CNTNAP5: variants seen among roughly 807,000 people sequenced by gnomAD.
CNTNAP5 encodes the protein contactin-associated protein-like 5.
CNTNAP5 carries 72 observed loss-of-function variants against 150.2 expected under a neutral mutation model. The ratio of observed to expected loss-of-function variants is 0.48; its 90% CI spans 0.40 to 0.58. The LOEUF (loss-of-function observed/expected upper bound fraction) is 0.58, where lower values mean the gene tolerates loss of function less well. CNTNAP5 is among the 20% of genes least tolerant of loss of function. The probability of loss-of-function intolerance (pLI) is 0.00; values close to 1 mark genes in which losing one functional copy is unlikely to be tolerated. For synonymous variants in CNTNAP5, 672 were observed against 619.8 expected (o/e 1.08, Z -1.25); for missense variants, 1,636 against 1,626.2 (o/e 1.01, Z -0.10).
At chr2:124,655,945 G>GAGAGAGAGAGAAAGAAAGAAAGAAAGAA (rs1553427800) in intron 13 of CNTNAP5, among the ~76,000 whole-genome samples, 5 of 55,490 alleles carry the variant, frequency 9.0e-5, no homozygotes. Context: ...GAGAGAGAGA[G>GAGAGAGAGAGAAAGAAAGAAAGAAAGAA]AGAAAGAAAG....
intron 10 of CNTNAP5, among the ~76,000 whole-genome samples, chr2:124,535,008 GT>G: frequency 6.6e-6 from 1 of 152,284 alleles, no homozygotes; most frequent in African/African-American, 2.4e-5. Flanking sequence ...CGTTGTTCTG[GT>G]GATGGATATC....
At chr2:124,090,986 T>A (rs762687387) in intron 1 of CNTNAP5, among the ~76,000 whole-genome samples, 3 of 151,810 alleles carry the variant, frequency 2.0e-5, no homozygotes, top group Non-Finnish European at 4.4e-5. Context: ...AGAAAAAGAG[T>A]AAGAATGAGA....
At chr2:124,434,277 G>T (rs536601824) in intron 4 of CNTNAP5, among the ~76,000 whole-genome samples, 1 of 152,282 alleles carries the variant, frequency 6.6e-6, no homozygotes, top group Admixed American at 6.5e-5. Context: ...AGTTCACTTT[G>T]ACTCAGTGTG....
chr2:124,145,832 G>GA (rs1164454367), intron 1 of CNTNAP5, among the ~76,000 whole-genome samples: 1,192 of 34,178 alleles, frequency 0.035, 46 homozygotes, highest in African/African-American at 0.16. Flanking sequence ...AAAAAAAGAA[G>GA]AAAAAAAAAA....
intron 13 of CNTNAP5, among the ~76,000 whole-genome samples, chr2:124,674,990 T>C (rs1329829977): frequency 6.6e-6 from 1 of 152,086 alleles, no homozygotes; most frequent in African/African-American, 2.4e-5. Flanking sequence ...ATACTGTTTT[T>C]TAAATGTTCT....
intron 1 of CNTNAP5, among the ~76,000 whole-genome samples, chr2:124,137,402 A>T (rs1173229770): frequency 2.0e-5 from 3 of 152,194 alleles, no homozygotes; most frequent in Non-Finnish European, 2.9e-5. Context: ...TTTTGTCTGG[A>T]TCCACATAGG....
At chr2:124,115,250 G>T (rs940837870) in intron 1 of CNTNAP5, among the ~76,000 whole-genome samples, 3 of 152,030 alleles carry the variant, frequency 2.0e-5, no homozygotes, top group African/African-American at 4.8e-5. Context: ...AACTAAGTTG[G>T]CTAACACTTT....
rs571155853 is a variant in CNTNAP5, at chr2:124,592,418, C to A, written c.1757-17383C>A. ...GTATCAAAATAAAAGGTTAAATGGA[C>A]AAATATTTATATATAATTAGCAATG... is the stretch of plus-strand genomic sequence containing the variant. On this transcript the variant is annotated intron_variant, in intron 11 of 23. Transcript: ENST00000682447. Among the ~76,000 whole-genome samples, 199 of 150,338 alleles carry A rather than the reference C, an allele frequency of 1.3e-3. 4 individuals are homozygous for A. In the East Asian group the frequency reaches 0.023, roughly 18 times the overall value.
At chr2:124,522,605 C>G (rs1395006900) in intron 8 of CNTNAP5, among the ~76,000 whole-genome samples, 1 of 152,224 alleles carries the variant, frequency 6.6e-6, no homozygotes, top group East Asian at 1.9e-4. Flanking sequence ...ATGCGGATGC[C>G]TGGGGCCCAT....
At chr2:124,636,296 C>T (rs926745566) in intron 12 of CNTNAP5, among the ~76,000 whole-genome samples, 9 of 152,010 alleles carry the variant, frequency 5.9e-5, no homozygotes, top group Non-Finnish European at 1.2e-4. Flanking sequence ...ATGAGGTAAT[C>T]GATGTAAACT....
chr2:124,694,994 T>TTGTGTGTGTG (rs138349590), intron 13 of CNTNAP5, among the ~76,000 whole-genome samples: 1 of 150,206 alleles, frequency 6.7e-6, no homozygotes, highest in African/African-American at 2.5e-5. Context: ...ATTTCCTAAA[T>TTGTGTGTGTG]TGTGTGTGTG....
At chr2:124,549,390 A>C (rs1225350294) in intron 10 of CNTNAP5, among the ~76,000 whole-genome samples, 2 of 152,198 alleles carry the variant, frequency 1.3e-5, no homozygotes, top group Admixed American at 6.5e-5. Flanking sequence ...TTTTTACTTT[A>C]ATGTGGTGAA....
At chr2:124,817,685 A>G (rs1364641322) in intron 19 of CNTNAP5, among the ~76,000 whole-genome samples, 3 of 152,148 alleles carry the variant, frequency 2.0e-5, no homozygotes, top group Non-Finnish European at 4.4e-5. Flanking sequence ...CTTTCCATGT[A>G]CAAATAGTGT....
At chr2:124,698,969 G>C (rs1279614611) in intron 13 of CNTNAP5, among the ~76,000 whole-genome samples, 1 of 152,152 alleles carries the variant, frequency 6.6e-6, no homozygotes, top group African/African-American at 2.4e-5. Context: ...TGATGGACAT[G>C]TTCTATTCTG....
chr2:124,828,852 T>A (rs115891192), intron 19 of CNTNAP5, among the ~76,000 whole-genome samples: 2,459 of 143,270 alleles, frequency 0.017, 41 homozygotes, highest in Non-Finnish European at 0.021. Flanking sequence ...AGCCCCAGAG[T>A]GGTCCTTCAG....
chr2:124,138,093 G>A (rs1455428931), intron 1 of CNTNAP5, among the ~76,000 whole-genome samples: 5 of 152,124 alleles, frequency 3.3e-5, no homozygotes, highest in Admixed American at 2.0e-4. Flanking sequence ...ATCCTTTACC[G>A]ATGAGGAAGT....
At position 124,763,774 on chromosome 2, in the gene CNTNAP5, T is replaced by A; in HGVS notation, c.2337T>A (p.Ile779=). 1 of 1,613,192 alleles carries A rather than the reference T, an allele frequency of 6.2e-7. No homozygotes were observed. The highest frequency in any genetic ancestry group is 1.7e-4 in the Middle Eastern group (1 of 6,058). ...CAAACTCAGAAGCCGCTTGGAGAATTGGTCCCTTGCGTTGCTATGGTGACC... is the reference window on the plus strand; with the variant it reads ...CAAACTCAGAAGCCGCTTGGAGAATAGGTCCCTTGCGTTGCTATGGTGACC... ...DRSNSEAAWR[I]GPLRCYGDRR... The change falls in exon 15 of 24, where the codon ATT becomes ATA. Residue 779 remains isoleucine (I), a synonymous_variant. Transcript: ENST00000682447.
chr2:124,609,588 A>G (rs1677334465), intron 11 of CNTNAP5, among the ~76,000 whole-genome samples: 1 of 151,516 alleles, frequency 6.6e-6, no homozygotes, highest in Non-Finnish European at 1.5e-5. Context: ...AATAATAAAA[A>G]GAGAGAGAGA....
intron 1 of CNTNAP5, among the ~76,000 whole-genome samples, chr2:124,069,874 G>A (rs531718770): frequency 2.6e-4 from 39 of 152,194 alleles, no homozygotes; most frequent in Admixed American, 1.8e-3. Flanking sequence ...AATAGTAAGC[G>A]CACAGAGAAA....
Sources: allele counts gnomAD v4.1 joint callset (sites outside exome capture counted in the v4.1 genomes callset), GRCh38; gene constraint gnomAD v4.1.1; transcripts MANE v1.5; gene names NCBI Gene and HGNC (gene_info 2026-07-23, HGNC 2026-07-21).